The following GDAP2 variants were observed in gnomAD, a reference collection of about 807,000 sequenced individuals.
GDAP2 encodes the protein ganglioside induced differentiation associated protein 2.
GDAP2 carries 51 observed loss-of-function variants against 67.0 expected under a neutral mutation model. The ratio of observed to expected loss-of-function variants is 0.76; its 90% CI spans 0.61 to 0.96. The LOEUF (loss-of-function observed/expected upper bound fraction) is 0.96. Among genes scored for constraint, GDAP2 ranks in the 40% least tolerant of loss-of-function variants. The pLI is 0.00. For missense variants in GDAP2, 547 were observed against 588.3 expected (o/e 0.93, Z 0.73); for synonymous variants, 203 against 207.3 (o/e 0.98, Z 0.18).
chr1:117,929,056 C>G (rs1650577167), intron 1 of GDAP2, among the ~76,000 whole-genome samples: 1 of 152,124 alleles, frequency 6.6e-6, no homozygotes, highest in Admixed American at 6.5e-5. Context: ...CTACCCACCC[C>G]TCACCCGAGG....
chr1:117,916,167 T>C (rs898749878), intron 3 of GDAP2, among the ~76,000 whole-genome samples: 29 of 152,214 alleles, frequency 1.9e-4, no homozygotes, highest in African/African-American at 6.3e-4. Context: ...TACTGCAGGC[T>C]GGCAGCACAT....
chr1:117,867,381 T>C lies in GDAP2; in HGVS notation c.*3188A>G, dbSNP rs1272558797. On this transcript the variant is annotated 3_prime_UTR_variant, in exon 14 of 14. Coordinates refer to ENST00000369443, the MANE Select transcript of GDAP2 (RefSeq NM_017686.4). ...CTAATTACTCTCAAAATACTGCAGA[T>C]GTATTCCTTTGAAAAAGGAAATACA... 1 of 152,010 alleles carries C rather than the reference T, an allele frequency of 6.6e-6. No homozygotes were observed. Among genetic ancestry groups the C allele is most frequent in the Non-Finnish European group, 1.5e-5 (1 of 67,980 alleles). The allele number at this position is 152,010 out of a possible 1,614,324, so 9.4% of individuals were successfully genotyped here. A position where few individuals can be genotyped will look rare whatever the true frequency, so the allele number is the denominator to read the frequency against.
Position 117,868,987 on chromosome 1 carries a change from C to T in GDAP2, c.*1582G>A, listed in dbSNP as rs925329053. ...GAAAATACAGGATGAATTTAATGCA[C>T]TATAGGGGCATTTCCCTATCATAAA... is the stretch of plus-strand genomic sequence containing the variant. On this transcript the variant is annotated 3_prime_UTR_variant, in exon 14 of 14. Coordinates refer to ENST00000369443, the MANE Select transcript of GDAP2 (RefSeq NM_017686.4). 1.3e-5 allele frequency: 2 copies of T among 152,030 alleles called. No individual in the cohort carries two copies. The highest frequency in any genetic ancestry group is 4.8e-5 in the African/African-American group (2 of 41,394). The allele number at this position is 152,030 out of a possible 1,614,324, so 9.4% of individuals were successfully genotyped here. A position where few individuals can be genotyped will look rare whatever the true frequency, so the allele number is the denominator to read the frequency against.
intron 6 of GDAP2, among the ~76,000 whole-genome samples, chr1:117,900,952 T>C (rs949613030): frequency 9.3e-5 from 14 of 151,280 alleles, no homozygotes; most frequent in African/African-American, 3.4e-4. Context: ...CCCAGCTACT[T>C]GGGAGGCTGA....
chr1:117,913,883 T>A (rs1216825793), intron 3 of GDAP2, among the ~76,000 whole-genome samples: 1 of 152,140 alleles, frequency 6.6e-6, no homozygotes, highest in African/African-American at 2.4e-5. Flanking sequence ...ATGAATGAGA[T>A]CTGAATCCTT....
Position 117,911,552 on chromosome 1 carries a change from C to G in GDAP2, c.559+442G>C, listed in dbSNP as rs558625844. Among the ~76,000 whole-genome samples, 2 of 152,124 alleles carry G rather than the reference C, an allele frequency of 1.3e-5. 1 individual carries two copies. Among genetic ancestry groups the G allele is most frequent in the South Asian group, 4.1e-4 (2 of 4,824 alleles). ...TTCTGGTTTTGGGGGCCGTCCAATT[C>G]AAATCTCATTCTTTGCTCAATTAAA... On this transcript the variant is annotated intron_variant, in intron 5 of 13. Coordinates refer to ENST00000369443, the MANE Select transcript of GDAP2 (RefSeq NM_017686.4).
At chr1:117,886,520 T>C (rs991933792) in intron 10 of GDAP2, 57 bp downstream of exon 10, 4 of 923,100 alleles carry the variant, frequency 4.3e-6, no homozygotes. Flanking sequence ...CAAATTCATA[T>C]ACTACTTATT....
In GDAP2 at chr1:117,870,214, GC is replaced by G. The variant is rs1380127443; in HGVS notation, c.*354del. 1 of 262,554 alleles carries G rather than the reference GC, an allele frequency of 3.8e-6. No individual in the cohort carries two copies. The highest frequency in any genetic ancestry group is 2.3e-5 in the African/African-American group (1 of 43,602). 16.3% of individuals were successfully genotyped at this position (262,554 alleles called of 1,614,324 possible). On this transcript the variant is annotated 3_prime_UTR_variant, in exon 14 of 14. Coordinates refer to ENST00000369443, the MANE Select transcript of GDAP2 (RefSeq NM_017686.4). Reference sequence around the variant, plus strand: ...TCACTTAAGTACACAAAGGAAGCGTGCAATGTTAGAGAGATGATGTGAACAG... The same window carrying G: ...TCACTTAAGTACACAAAGGAAGCGTGAATGTTAGAGAGATGATGTGAACAG...
In GDAP2 at chr1:117,899,091, C is replaced by T. The variant is rs1175635298; in HGVS notation, c.762G>A (p.Gln254=). Residue 254 remains glutamine, a synonymous_variant, in exon 7 of 14, where the codon CAG becomes CAA. Coordinates refer to ENST00000369443, the MANE Select transcript of GDAP2 (RefSeq NM_017686.4). ...CACCAGGTTTCTCACTTATTCTAAT[C>T]TGTCGTTCAGGTACCACAGGCTCCC... ...AEGEPVVPER[Q]IRISEKPGAP... 1 of 1,613,668 alleles carries T rather than the reference C, an allele frequency of 6.2e-7. No individual in the cohort carries two copies. Among genetic ancestry groups the T allele is most frequent in the Non-Finnish European group, 8.5e-7 (1 of 1,179,614 alleles).
chr1:117,917,542 A>C (rs969214377), intron 3 of GDAP2, among the ~76,000 whole-genome samples: 1 of 152,242 alleles, frequency 6.6e-6, no homozygotes, highest in Non-Finnish European at 1.5e-5. Flanking sequence ...TCAGGAACTG[A>C]GGTAGGAACT....
intron 12 of GDAP2, among the ~76,000 whole-genome samples, chr1:117,880,332 G>A (rs1648610173): frequency 6.6e-6 from 1 of 152,190 alleles, no homozygotes; most frequent in Admixed American, 6.6e-5. Context: ...GTTTAAGGCT[G>A]CAGGGAATGC....
intron 5 of GDAP2, among the ~76,000 whole-genome samples, chr1:117,908,719 G>C (rs1370786201): frequency 6.6e-6 from 1 of 152,008 alleles, no homozygotes; most frequent in South Asian, 2.1e-4. Context: ...TAGCTACCTG[G>C]GGGGCTAACA....
rs1648115504 is a variant in GDAP2, at chr1:117,867,555, A to C, written c.*3014T>G. The stretch of plus-strand genomic sequence containing the variant: ...AAAAAAAAAAAAAAAAAAAAAAATT[A>C]GCCAGGCATGGTGGCAGGCACCTGT... On this transcript the variant is annotated 3_prime_UTR_variant, in exon 14 of 14. Coordinates refer to ENST00000369443, the MANE Select transcript of GDAP2 (RefSeq NM_017686.4). The C allele has an allele frequency of 6.8e-6, 1 of 148,024 alleles. No homozygotes were observed. Among genetic ancestry groups the C allele is most frequent in the Non-Finnish European group, 1.4e-5 (1 of 69,464 alleles). 9.2% of individuals were successfully genotyped at this position (148,024 alleles called of 1,614,324 possible).
chr1:117,888,821 C>T (rs973322279), intron 8 of GDAP2, among the ~76,000 whole-genome samples: 1 of 152,090 alleles, frequency 6.6e-6, no homozygotes, highest in Non-Finnish European at 1.5e-5. Flanking sequence ...TCCTCACCTG[C>T]AAAATGGTGT....
intron 3 of GDAP2, among the ~76,000 whole-genome samples, chr1:117,918,150 TA>T (rs1380585997): frequency 1.3e-5 from 2 of 152,232 alleles, no homozygotes; most frequent in Non-Finnish European, 2.9e-5. Flanking sequence ...CTGTATTTCA[TA>T]AATAGTTTTT....
intron 6 of GDAP2, among the ~76,000 whole-genome samples, chr1:117,903,710 C>G (rs1649557880): frequency 6.6e-6 from 1 of 152,078 alleles, no homozygotes; most frequent in African/African-American, 2.4e-5. Flanking sequence ...AGATATTGCT[C>G]TATAGTTTTC....
At chr1:117,915,693 TCA>T (rs779740485) in intron 3 of GDAP2, among the ~76,000 whole-genome samples, 2 of 152,180 alleles carry the variant, frequency 1.3e-5, no homozygotes, top group Admixed American at 6.5e-5. Context: ...CAAACAAACC[TCA>T]CATAGGTTTA....
intron 7 of GDAP2, among the ~76,000 whole-genome samples, chr1:117,898,008 C>T (rs546274985): frequency 3.7e-4 from 56 of 152,248 alleles, no homozygotes; most frequent in Middle Eastern, 3.4e-3. Flanking sequence ...TTTAAGAATG[C>T]TAAGGCCTAC....
At chr1:117,882,368 A>G (rs1178262493) in intron 11 of GDAP2, among the ~76,000 whole-genome samples, 3 of 152,106 alleles carry the variant, frequency 2.0e-5, no homozygotes, top group Non-Finnish European at 4.4e-5. Flanking sequence ...TAAATTCTCA[A>G]AACAATTCTA....
Sources: gnomAD v4.1 joint callset for allele counts (sites outside exome capture counted in the v4.1 genomes callset) on GRCh38, gnomAD v4.1.1 for gene constraint, MANE v1.5 for transcripts, NCBI Gene and HGNC (gene_info 2026-07-23, HGNC 2026-07-21) for gene names.